The following STK25 variants were observed in gnomAD, a reference collection of about 807,000 sequenced individuals.
STK25 encodes serine/threonine-protein kinase 25.
In STK25, 29 loss-of-function variants were observed where a neutral mutation model predicts 53.8. The ratio of observed to expected loss-of-function variants is 0.54; its 90% CI spans 0.40 to 0.74. STK25 has a LOEUF of 0.74. Ranked by LOEUF, STK25 falls within the 30% of genes least tolerant of loss-of-function variation. The probability of loss-of-function intolerance (pLI) is 0.00; values close to 1 mark genes in which losing one functional copy is unlikely to be tolerated. For missense variants in STK25, 420 were observed against 568.0 expected (o/e 0.74, Z 2.65); for synonymous variants, 247 against 238.3 (o/e 1.04, Z -0.33).
Position 241,501,440 on chromosome 2 carries a change from C to A in STK25, c.261+38G>T. The A allele has an allele frequency of 6.3e-7, 1 of 1,591,500 alleles. No individual in the cohort carries two copies. Among genetic ancestry groups the A allele is most frequent in the Non-Finnish European group, 8.6e-7 (1 of 1,162,814 alleles). On this transcript the variant is annotated intron_variant, in intron 3 of 11. Coordinates refer to ENST00000316586, the MANE Select transcript of STK25 (RefSeq NM_001271977.2). The surrounding 1 kb of genome is among the most constrained non-coding windows in gnomAD (Gnocchi z 5.3). Reference sequence around the variant, plus strand: ...CTCTGACATGGAAGAGAGCCGGGCACAGCACCAGCAGGGTCCCCGCCTCCC... The same window carrying A: ...CTCTGACATGGAAGAGAGCCGGGCAAAGCACCAGCAGGGTCCCCGCCTCCC...
In STK25 at chr2:241,495,147, G is replaced by C. The variant is rs2065076580; in HGVS notation, c.*515C>G. ...TCTTAAAAAACAAAACATTCTGGAT[G>C]ACACAAGTACTTATGAGCAGACACA... On this transcript the variant is annotated 3_prime_UTR_variant, in exon 12 of 12. Coordinates refer to ENST00000316586, the MANE Select transcript of STK25 (RefSeq NM_001271977.2). 6.5e-6 allele frequency: 1 copy of C among 153,774 alleles called. No homozygotes were observed. Among genetic ancestry groups the C allele is most frequent in the Admixed American group, 6.5e-5 (1 of 15,330 alleles). 9.5% of individuals were successfully genotyped at this position (153,774 alleles called of 1,614,324 possible).
chr2:241,506,535 G>GGT (rs2065841447), intron 2 of STK25, among the ~76,000 whole-genome samples: 2 of 152,162 alleles, frequency 1.3e-5, no homozygotes, highest in Non-Finnish European at 2.9e-5. Flanking sequence ...TGGGAGGCCA[G>GGT]GGCAAGCAGA....
At chr2:241,507,910 G>A (rs1574972367) in intron 2 of STK25, 96 bp downstream of exon 2, 1 of 1,303,550 alleles carries the variant, frequency 7.7e-7, no homozygotes, top group Non-Finnish European at 1.1e-6. Flanking sequence ...TCACCCCACT[G>A]CCCGCTCCGG....
intron 5 of STK25, 100 bp from the exon 6 acceptor site, chr2:241,499,514 G>T: frequency 7.0e-7 from 1 of 1,436,454 alleles, no homozygotes; most frequent in Non-Finnish European, 9.3e-7. Flanking sequence ...GGCCTCCTAG[G>T]GCACAGCAGG....
At chr2:241,503,088 G>C (rs187933547) in intron 2 of STK25, among the ~76,000 whole-genome samples, 305 of 152,158 alleles carry the variant, frequency 2.0e-3, no homozygotes, top group Non-Finnish European at 3.1e-3. Context: ...TTTTGAGATG[G>C]CTTCTCACTC....
At chr2:241,495,953 A>G (rs1391559804) in intron 11 of STK25, among the ~76,000 whole-genome samples, 1 of 152,248 alleles carries the variant, frequency 6.6e-6, no homozygotes, top group East Asian at 1.9e-4. Flanking sequence ...TGCCGGCGGC[A>G]TGGCGGTTGG....
In STK25 at chr2:241,500,184, C is replaced by T; in HGVS notation, c.416G>A (p.Arg139Gln). Residue 139 changes from arginine to glutamine, a missense_variant, in exon 5 of 12, where the codon CGA (arginine) becomes CAA (glutamine). Transcript: ENST00000316586. ...ACCCCCAGCAGGACCTTTGATGTCT[C>T]GGTGGATCTTGCGTTCGGAGTGCAG... ...DYLHSERKIH[R>Q]DIKAANVLLS... 3.1e-6 allele frequency: 5 copies of T among 1,613,848 alleles called. No individual in the cohort carries two copies. The highest frequency in any genetic ancestry group is 3.4e-6 in the Non-Finnish European group (4 of 1,179,830).
intron 4 of STK25, 123 bp from the exon 5 acceptor site, chr2:241,500,404 C>G: frequency 1.5e-6 from 1 of 685,544 alleles, no homozygotes. Context: ...TGTTCCTTTA[C>G]TTCCCAAACA....
chr2:241,493,323 C>G lies in STK25; in HGVS notation c.*2339G>C. 1 of 1,613,958 alleles carries G rather than the reference C, an allele frequency of 6.2e-7. No homozygotes were observed. The highest frequency in any genetic ancestry group is 1.1e-5 in the South Asian group (1 of 91,078). ...CTACCCACTGGCCAGCCTCCCGCTGCTGGGCTACAGCGTGAGCATCCCCAG... is the reference window on the plus strand; with the variant it reads ...CTACCCACTGGCCAGCCTCCCGCTGGTGGGCTACAGCGTGAGCATCCCCAG... On this transcript the variant is annotated 3_prime_UTR_variant, in exon 12 of 12. Transcript: ENST00000316586.
intron 3 of STK25, 88 bp from the exon 4 acceptor site, chr2:241,500,884 G>GC: frequency 7.3e-7 from 1 of 1,371,528 alleles, no homozygotes; most frequent in South Asian, 1.2e-5. Flanking sequence ...GTCAGCCAGG[G>GC]CCCAGGCCCC....
Position 241,499,111 on chromosome 2 carries a change from CAG to C in STK25, c.647_648del (p.Ser216Ter). The stretch of plus-strand genomic sequence containing the variant: ...AACAGGACGCGCATGGGGTGGAGGT[CAG>C]AGTTTGGAGGCTCCCCCTTGGCCAG... The part of the protein sequence containing the change: ...IELAKGEPPN[S>X]DLHPMRVLFL... On this transcript the variant is annotated frameshift_variant, in exon 7 of 12. Coordinates refer to ENST00000316586, the MANE Select transcript of STK25 (RefSeq NM_001271977.2). LOFTEE classifies it high-confidence loss of function. 6.2e-7 allele frequency: 1 copy of C among 1,614,020 alleles called. No homozygotes were observed. The highest frequency in any genetic ancestry group is 8.5e-7 in the Non-Finnish European group (1 of 1,179,976).
intron 2 of STK25, among the ~76,000 whole-genome samples, chr2:241,504,998 C>G (rs566948430): frequency 4.2e-4 from 63 of 151,712 alleles, no homozygotes; most frequent in African/African-American, 1.5e-3. Context: ...CTCACTGCAA[C>G]CTCCGCCTCC....
chr2:241,505,960 C>T (rs2065798682), intron 2 of STK25, among the ~76,000 whole-genome samples: 1 of 152,230 alleles, frequency 6.6e-6, no homozygotes, highest in Non-Finnish European at 1.5e-5. Context: ...CCTGGGGCTG[C>T]CAGGTCTGGG....
Position 241,501,331 on chromosome 2 carries a change from C to G in STK25, c.261+147G>C, listed in dbSNP as rs1416114365. 5 of 792,876 alleles carry G rather than the reference C, an allele frequency of 6.3e-6. No homozygotes were observed. Among genetic ancestry groups the G allele is most frequent in the Non-Finnish European group, 1.1e-5 (5 of 473,506 alleles). The allele number at this position is 792,876 out of a possible 1,614,324, so 49.1% of individuals were successfully genotyped here. On this transcript the variant is annotated intron_variant, in intron 3 of 11. Transcript: ENST00000316586. The surrounding 1 kb of genome is among the most constrained non-coding windows in gnomAD (Gnocchi z 5.3). The stretch of plus-strand genomic sequence containing the variant: ...TGACCCTCGTGGACGAGGGCTCACA[C>G]CCTGCCTGCCCAGGGCAGTTTCCCG...
chr2:241,498,849 G>A (rs1031434744), intron 7 of STK25, 65 bp from the exon 8 acceptor site: 23 of 1,607,966 alleles, frequency 1.4e-5, no homozygotes, highest in Non-Finnish European at 1.8e-5. Flanking sequence ...GGAAGCAAAC[G>A]TGAGGCAGCC....
upstream of STK25, chr2:241,509,122 A>T (rs1305806434): frequency 6.6e-6 from 1 of 152,354 alleles, no homozygotes; most frequent in East Asian, 1.9e-4. Context: ...CCCGCCCGGG[A>T]TCACGCGCAC....
chr2:241,508,003 C>A lies in STK25; in HGVS notation c.30+3G>T. ...TAGTCTTCCTGACCTGCACCCTTCT[C>A]ACCTGGTTGGCAAATCCCCGGAGGT... On this transcript the variant is annotated splice_donor_region_variant and intron_variant, in intron 2 of 11. Coordinates refer to ENST00000316586, the MANE Select transcript of STK25 (RefSeq NM_001271977.2). The A allele has an allele frequency of 6.2e-7, 1 of 1,601,824 alleles. No homozygotes were observed. The highest frequency in any genetic ancestry group is 8.5e-7 in the Non-Finnish European group (1 of 1,175,400).
At position 241,500,874 on chromosome 2, in the gene STK25, G is replaced by C. The variant is rs572382572; in HGVS notation, c.262-78C>G. 2.0e-6 allele frequency: 3 copies of C among 1,466,810 alleles called. No individual in the cohort carries two copies. In the South Asian group the frequency reaches 3.5e-5, roughly 17 times the overall value. The allele number at this position is 1,466,810 out of a possible 1,614,324, so 90.9% of individuals were successfully genotyped here. On this transcript the variant is annotated intron_variant, in intron 3 of 11. Transcript: ENST00000316586. ...TCCAGGGTGGGAGTCACAGGCCGGA[G>C]TCAGCCAGGGCCCAGGCCCCACCGG... is the stretch of plus-strand genomic sequence containing the variant.
chr2:241,507,682 G>A (rs1365657478), intron 2 of STK25, among the ~76,000 whole-genome samples: 2 of 152,238 alleles, frequency 1.3e-5, no homozygotes, highest in African/African-American at 4.8e-5. Flanking sequence ...CTGACATGAG[G>A]TTCCCGCCCC....
Sources: allele counts gnomAD v4.1 joint callset (sites outside exome capture counted in the v4.1 genomes callset), GRCh38; gene constraint gnomAD v4.1.1; non-coding constraint Gnocchi (gnomAD v3.1); transcripts MANE v1.5; gene names NCBI Gene and HGNC (gene_info 2026-07-23, HGNC 2026-07-21).